The following FGF13 variants were observed in gnomAD, a reference collection of about 807,000 sequenced individuals.
FGF13 encodes fibroblast growth factor 13.
In FGF13, 2 loss-of-function variants were observed where a neutral mutation model predicts 19.5. The observed-to-expected ratio is 0.10, with a 90% CI of 0.04 to 0.32. The LOEUF (loss-of-function observed/expected upper bound fraction) is 0.32. Ranked by LOEUF, FGF13 falls within the 10% of genes least tolerant of loss-of-function variation. The pLI is 1.00. For missense variants in FGF13, 113 were observed against 192.7 expected, an observed-to-expected ratio of 0.59 and a Z score of 2.45; for synonymous variants, 72 against 76.9, an observed-to-expected ratio of 0.94 and a Z score of 0.33.
intron 1 of FGF13, among the ~76,000 whole-genome samples, chrX:139,153,461 C>A (rs1417825043): frequency 9.0e-6 from 1 of 110,811 alleles, no homozygotes; most frequent in Non-Finnish European, 1.9e-5. Flanking sequence ...CTCCCCTAGA[C>A]CTCAGTTGGT....
At chrX:139,123,059 G>A (rs1405002965) in intron 1 of FGF13, among the ~76,000 whole-genome samples, 7 of 110,366 alleles carry the variant, frequency 6.3e-5, no homozygotes, top group Non-Finnish European at 1.1e-4. Context: ...AGGGTGGCGG[G>A]AGCAAAATCA....
intron 1 of FGF13, among the ~76,000 whole-genome samples, chrX:139,098,673 T>C (rs2083486919): frequency 9.0e-6 from 1 of 111,177 alleles, no homozygotes; most frequent in Non-Finnish European, 1.9e-5. Flanking sequence ...AAGTGGAAGC[T>C]AAACGCTGGG....
At chrX:138,745,288 T>C (rs758937795) in intron 3 of FGF13, among the ~76,000 whole-genome samples, 27 of 112,077 alleles carry the variant, frequency 2.4e-4, no homozygotes, top group Non-Finnish European at 4.3e-4. Context: ...GTCCGAGGCA[T>C]ACATAATTTT....
chrX:139,095,740 A>G (rs182788967), intron 1 of FGF13, among the ~76,000 whole-genome samples: 1 of 111,955 alleles, frequency 8.9e-6, no homozygotes, highest in Non-Finnish European at 1.9e-5. Flanking sequence ...AACCATATGT[A>G]CCCACCACTT....
At chrX:138,873,997 C>T (rs1346832068) in intron 1 of FGF13, among the ~76,000 whole-genome samples, 4 of 33,797 alleles carry the variant, frequency 1.2e-4, no homozygotes, top group Admixed American at 5.4e-4. Context: ...ACACCGGGGC[C>T]TGTTGTGGGG....
At chrX:138,921,986 A>AC (rs2091648156) in intron 1 of FGF13, among the ~76,000 whole-genome samples, 1 of 107,612 alleles carries the variant, frequency 9.3e-6, no homozygotes, top group Non-Finnish European at 1.9e-5. Context: ...AAAAAAAAAA[A>AC]AACAACAAAA....
At chrX:138,959,279 C>G (rs1271082151) in intron 1 of FGF13, among the ~76,000 whole-genome samples, 1 of 111,759 alleles carries the variant, frequency 8.9e-6, no homozygotes, top group African/African-American at 3.3e-5. Flanking sequence ...TCGTTATGTA[C>G]CCAGGAGTCA....
intron 3 of FGF13, among the ~76,000 whole-genome samples, chrX:138,642,833 G>A (rs766868255): frequency 8.9e-6 from 1 of 111,744 alleles, no homozygotes; most frequent in Non-Finnish European, 1.9e-5. Flanking sequence ...AAGAAATGCA[G>A]TGCTTAAATA....
At chrX:138,727,932 A>C (rs767615535) in intron 1 of FGF13, among the ~76,000 whole-genome samples, 2 of 111,982 alleles carry the variant, frequency 1.8e-5, no homozygotes, top group South Asian at 7.4e-4. Flanking sequence ...TAAATATGAA[A>C]AAGAAGACAG....
intron 4 of FGF13, among the ~76,000 whole-genome samples, chrX:138,634,828 A>G (rs1184334717): frequency 8.9e-6 from 1 of 112,231 alleles, no homozygotes; most frequent in Non-Finnish European, 1.9e-5. Context: ...ACCACTATGG[A>G]AAACAGTATG....
At chrX:138,637,847 G>T (rs758372307) in intron 3 of FGF13, among the ~76,000 whole-genome samples, 1 of 111,731 alleles carries the variant, frequency 9.0e-6, no homozygotes, top group African/African-American at 3.3e-5. Context: ...CACAGAGAGG[G>T]TATCATTTTA....
chrX:138,802,096 C>T (rs2090834047), intron 3 of FGF13, among the ~76,000 whole-genome samples: 1 of 112,053 alleles, frequency 8.9e-6, no homozygotes, highest in Non-Finnish European at 1.9e-5. Flanking sequence ...AAACAGTTCT[C>T]TCTTTTCTCT....
In FGF13 at chrX:138,842,693, T is replaced by G. The variant is rs147839441; in HGVS notation, c.217+14819A>C. The stretch of plus-strand genomic sequence containing the variant: ...TATTTGGCAATATTTGGACATATTT[T>G]GAGTTGTCACAACTAGGATGGGGTG... On this transcript the variant is annotated intron_variant, in intron 3 of 6. Coordinates refer to the FGF13 transcript ENST00000436198. 3.4e-3 allele frequency among the ~76,000 whole-genome samples: 375 copies of G among 111,128 alleles called. 3 individuals carry two copies. The highest frequency in any genetic ancestry group is 0.011 in the African/African-American group (351 of 30,602).
intron 1 of FGF13, among the ~76,000 whole-genome samples, chrX:138,979,747 A>G (rs1379585950): frequency 9.0e-6 from 1 of 111,518 alleles, no homozygotes; most frequent in Non-Finnish European, 1.9e-5. Context: ...AGAAATATTG[A>G]TGAGGCAGTG....
chrX:139,165,524 A>G (rs1224521814), intron 1 of FGF13, among the ~76,000 whole-genome samples: 3 of 111,372 alleles, frequency 2.7e-5, no homozygotes, highest in Non-Finnish European at 5.6e-5. Flanking sequence ...AGCACTTTGG[A>G]TATTTTTTAC....
chrX:138,895,008 T>A (rs1395342406), intron 1 of FGF13, among the ~76,000 whole-genome samples: 1 of 111,984 alleles, frequency 8.9e-6, no homozygotes, highest in African/African-American at 3.2e-5. Context: ...AGGTTCAACA[T>A]ACGCAAATCA....
intron 1 of FGF13, among the ~76,000 whole-genome samples, chrX:139,132,958 T>C (rs2083771399): frequency 9.0e-6 from 1 of 111,533 alleles, no homozygotes; most frequent in South Asian, 3.8e-4. Flanking sequence ...TTTCTTATAA[T>C]TGACCAGCAC....
At chrX:139,162,129 C>T (rs1355222037) in intron 1 of FGF13, among the ~76,000 whole-genome samples, 2 of 112,167 alleles carry the variant, frequency 1.8e-5, no homozygotes, top group South Asian at 3.7e-4. Flanking sequence ...GGAGGCATCA[C>T]GCTACCTGAC....
chrX:139,082,566 G>C (rs1305232722), intron 1 of FGF13, among the ~76,000 whole-genome samples: 1 of 111,498 alleles, frequency 9.0e-6, no homozygotes, highest in East Asian at 2.8e-4. Flanking sequence ...TGTGAAGACA[G>C]AGACAGGGAT....
Sources: allele counts gnomAD v4.1 joint callset (sites outside exome capture counted in the v4.1 genomes callset), GRCh38; gene constraint gnomAD v4.1.1; transcripts MANE v1.5; gene names NCBI Gene and HGNC (gene_info 2026-07-23, HGNC 2026-07-21).